Variants in UNC45A observed in about 807,000 individuals in gnomAD.
The protein encoded by UNC45A is protein unc-45 homolog A.
Under a neutral mutation model 103.2 loss-of-function variants are expected in UNC45A, and 78 were observed. That is an observed-to-expected ratio of 0.76 (90% confidence interval 0.63 to 0.91). The LOEUF (loss-of-function observed/expected upper bound fraction) is 0.91, where lower values mean the gene tolerates loss of function less well. Ranked by LOEUF, UNC45A falls within the 40% of genes least tolerant of loss-of-function variation. UNC45A has a pLI of 0.00. For missense variants in UNC45A, 1,193 were observed against 1,224.8 expected, an observed-to-expected ratio of 0.97 and a Z score of 0.39; for synonymous variants, 495 against 504.6, an observed-to-expected ratio of 0.98 and a Z score of 0.25.
chr15:90,950,925 G>T (rs904760110), intron 17 of UNC45A, among the ~76,000 whole-genome samples: 4 of 152,238 alleles, frequency 2.6e-5, no homozygotes, highest in African/African-American at 9.6e-5. Flanking sequence ...ATAGTGATGA[G>T]GAGAATAAAA....
rs1168592288 is a variant in UNC45A at position 90,950,017 on chromosome 15, A to G, written c.2074-137A>G. 7 of 793,356 alleles carry G rather than the reference A, an allele frequency of 8.8e-6. No homozygotes were observed. The African/African-American group carries it at 1.0e-4, about 12-fold the overall frequency. The allele number at this position is 793,356 out of a possible 1,614,324, so 49.1% of individuals were successfully genotyped here. On this transcript the variant is annotated intron_variant, in intron 15 of 19. Coordinates refer to ENST00000418476, the MANE Select transcript of UNC45A (RefSeq NM_018671.5). ...ATTAGGTGTTTCAGGAAGTGTTTGG[A>G]TGCAGAGGGTCTGCACAGGGAGTCA... is the stretch of plus-strand genomic sequence containing the variant.
chr15:90,943,412 G>C (rs1031692689), intron 8 of UNC45A, among the ~76,000 whole-genome samples: 1 of 140,790 alleles, frequency 7.1e-6, no homozygotes, highest in South Asian at 2.3e-4. Flanking sequence ...CTGGGCAACA[G>C]AGGGAGACTG....
chr15:90,940,494 G>T, intron 6 of UNC45A, 21 bp downstream of exon 6: 1 of 1,599,970 alleles, frequency 6.3e-7, no homozygotes, highest in South Asian at 1.1e-5. Context: ...TGGAGAGGCT[G>T]GTTACAGCTT....
Position 90,947,753 on chromosome 15 carries a change from C to T in UNC45A, c.1501-43C>T, listed in dbSNP as rs1487593100. ...CAGGTGTGGAGGAGCTCAGCTCCTG[C>T]CTCCTTCCCCAGAGGCCAACTGGTC... On this transcript the variant is annotated intron_variant, in intron 10 of 19. Coordinates refer to ENST00000418476, the MANE Select transcript of UNC45A (RefSeq NM_018671.5). The T allele has an allele frequency of 2.7e-6, 4 of 1,495,870 alleles. No homozygotes were observed. In the Admixed American group the frequency reaches 6.7e-5, roughly 25 times the overall value. 92.7% of individuals were successfully genotyped at this position (1,495,870 alleles called of 1,614,324 possible).
chr15:90,947,663 G>C, intron 10 of UNC45A, 133 bp from the exon 11 acceptor site: 1 of 644,754 alleles, frequency 1.6e-6, no homozygotes, highest in Non-Finnish European at 2.8e-6. Context: ...TGGAGGGAGA[G>C]GGTGCTGATT....
At chr15:90,931,569 A>G, upstream of UNC45A, 2 of 1,614,230 alleles carry the variant, frequency 1.2e-6, no homozygotes, top group South Asian at 2.2e-5. Flanking sequence ...GTATGAAAGA[A>G]GATCAAAGAG....
rs1275799869 is a variant in UNC45A at position 90,935,976 on chromosome 15, T to C, written c.244T>C (p.Ser82Pro). 6.2e-7 allele frequency: 1 copy of C among 1,614,010 alleles called. No individual in the cohort carries two copies. Among genetic ancestry groups the C allele is most frequent in the East Asian group, 2.2e-5 (1 of 44,876 alleles). ...TTACGACAAAGCAGAAACAGAGGCA[T>C]CCAAAGGTAGGGGAATGGTGGGCCC... The part of the protein sequence containing the change: ...EDYDKAETEA[S>P]KAIEKDGGDV... The change falls in exon 3 of 20, where the codon TCC (serine) becomes CCC (proline). Residue 82 changes from serine (S) to proline (P), a missense_variant. Coordinates refer to ENST00000418476, the MANE Select transcript of UNC45A (RefSeq NM_018671.5).
upstream of UNC45A, chr15:90,931,211 C>T: frequency 1.3e-6 from 2 of 1,520,886 alleles, no homozygotes; most frequent in South Asian, 1.2e-5. Context: ...GAAAAGATGG[C>T]GTATGAATCC....
At chr15:90,945,102 T>C in intron 9 of UNC45A, 39 bp downstream of exon 9, 1 of 1,603,584 alleles carries the variant, frequency 6.2e-7, no homozygotes, top group Non-Finnish European at 8.5e-7. Context: ...CCAGGGATTC[T>C]AGCGAAAAAG....
At position 90,953,334 on chromosome 15, in the gene UNC45A, G is replaced by C. The variant is rs546954468; in HGVS notation, c.2577+24G>C. ...TGGTCAGTGCCTCTTCTCAGTGGGG[G>C]AGGAGGGACGGACCAGGAACTCCCA... On this transcript the variant is annotated intron_variant, in intron 19 of 19. Transcript: ENST00000418476. 116 of 1,599,054 alleles carry C rather than the reference G, an allele frequency of 7.3e-5. 2 individuals carry two copies. The South Asian group carries it at 1.3e-3, about 18-fold the overall frequency.
intron 17 of UNC45A, among the ~76,000 whole-genome samples, chr15:90,951,488 C>T (rs1014537128): frequency 1.3e-5 from 2 of 152,034 alleles, no homozygotes; most frequent in East Asian, 1.9e-4. Flanking sequence ...TGAGGCCGGG[C>T]GTGGTGGCTC....
chr15:90,938,036 A>G (rs1456343082), intron 4 of UNC45A, among the ~76,000 whole-genome samples: 2 of 152,098 alleles, frequency 1.3e-5, no homozygotes, highest in Admixed American at 6.5e-5. Context: ...GGCTCAAGGG[A>G]TCTACTCACC....
At chr15:90,939,905 C>T (rs1260253891) in intron 5 of UNC45A, 82 bp downstream of exon 5, 1 of 1,265,360 alleles carries the variant, frequency 7.9e-7, no homozygotes, top group Non-Finnish European at 1.1e-6. Flanking sequence ...TGCTGCCTTG[C>T]TCTGCCGCTC....
Position 90,942,532 on chromosome 15 carries a change from G to A in UNC45A, c.783G>A (p.Leu261=), listed in dbSNP as rs2036346831. Residue 261 remains leucine (L), a synonymous_variant, in exon 7 of 20, where the codon CTG becomes CTA. Transcript: ENST00000418476. ...QAVSLAACHL[L]QVMFDALKEG... ...TGTCCCTGGCTGCCTGCCACCTGCT[G>A]CAGGTTATGTTTGATGCCCTCAAGG... 3 of 1,614,176 alleles carry A rather than the reference G, an allele frequency of 1.9e-6. No homozygotes were observed. Among genetic ancestry groups the A allele is most frequent in the Non-Finnish European group, 2.5e-6 (3 of 1,180,038 alleles).
At chr15:90,948,609 G>C in intron 12 of UNC45A, 45 bp from the exon 13 acceptor site, 2 of 1,605,230 alleles carry the variant, frequency 1.2e-6, no homozygotes, top group Non-Finnish European at 1.7e-6. Context: ...TCTGAGTACT[G>C]CTCTGCCCCG....
chr15:90,952,786 C>T (rs951626483), intron 17 of UNC45A, 143 bp from the exon 18 acceptor site: 7 of 694,140 alleles, frequency 1.0e-5, no homozygotes, highest in African/African-American at 8.9e-5. Flanking sequence ...GAGGATAGCA[C>T]CAAGCCATGA....
chr15:90,943,518 G>T (rs2036401242), intron 8 of UNC45A, among the ~76,000 whole-genome samples: 1 of 152,066 alleles, frequency 6.6e-6, no homozygotes, highest in Non-Finnish European at 1.5e-5. Flanking sequence ...GGAGGATGCT[G>T]GAGCTGAGAA....
At position 90,953,733 on chromosome 15, in the gene UNC45A, C is replaced by A; in HGVS notation, c.*17C>A. On this transcript the variant is annotated 3_prime_UTR_variant, in exon 20 of 20. Transcript: ENST00000418476. Reference sequence around the variant, plus strand: ...GGAGAGTGAGGGGGTTGTCCCTGGGCCCAAGGCTCATGCACACGCTACCTA... The same window carrying A: ...GGAGAGTGAGGGGGTTGTCCCTGGGACCAAGGCTCATGCACACGCTACCTA... 6.2e-7 allele frequency: 1 copy of A among 1,611,056 alleles called. No homozygotes were observed. The highest frequency in any genetic ancestry group is 1.1e-5 in the South Asian group (1 of 90,944).
Position 90,946,847 on chromosome 15 carries a change from G to A in UNC45A, c.1433G>A (p.Gly478Asp). The A allele has an allele frequency of 6.2e-7, 1 of 1,614,128 alleles. No homozygotes were observed. The highest frequency in any genetic ancestry group is 8.5e-7 in the Non-Finnish European group (1 of 1,179,970). ...CGGGCCTCATTCATCACTGCCAATG[G>A]TGTCTCGCTGCTGAAGGACCTATAT... ...AKRASFITAN[G>D]VSLLKDLYKC... Residue 478 changes from glycine to aspartate, a missense_variant, in exon 10 of 20, where the codon GGT (glycine) becomes GAT (aspartate). Gly to Asp is a moderately conservative substitution (Grantham distance 94). Transcript: ENST00000418476.
Sources: gnomAD v4.1 joint callset for allele counts (sites outside exome capture counted in the v4.1 genomes callset) on GRCh38, gnomAD v4.1.1 for gene constraint, MANE v1.5 for transcripts, NCBI Gene and HGNC (gene_info 2026-07-23, HGNC 2026-07-21) for gene names.